CDKL2: variants seen among roughly 807,000 people sequenced by gnomAD.
CDKL2 encodes cyclin dependent kinase like 2.
A neutral mutation model predicts 63.9 loss-of-function variants in CDKL2; 64 were observed. The ratio of observed to expected loss-of-function variants is 1.00; its 90% CI spans 0.82 to 1.23. CDKL2 has a LOEUF of 1.23. Ranked by LOEUF, CDKL2 falls within the 50% of genes most tolerant of loss-of-function variation. The probability of loss-of-function intolerance (pLI) is 0.00; values close to 1 mark genes in which losing one functional copy is unlikely to be tolerated. For missense variants in CDKL2, 656 were observed against 668.0 expected (o/e 0.98, Z 0.20); for synonymous variants, 211 against 229.2 (o/e 0.92, Z 0.72).
chr4:75,622,245 A>G (rs1730184150), intron 2 of CDKL2, among the ~76,000 whole-genome samples: 2 of 152,172 alleles, frequency 1.3e-5, no homozygotes, highest in Non-Finnish European at 2.9e-5. Flanking sequence ...TAGACCAAAC[A>G]CTCCAAGTAA....
chr4:75,599,931 G>A (rs2148880830), intron 7 of CDKL2, among the ~76,000 whole-genome samples: 1 of 152,280 alleles, frequency 6.6e-6, no homozygotes, highest in African/African-American at 2.4e-5. Flanking sequence ...GAGTTTGGCA[G>A]CAATAGGAGA....
At chr4:75,581,985 T>G in intron 12 of CDKL2, 87 bp from the exon 13 acceptor site, 1 of 831,710 alleles carries the variant, frequency 1.2e-6, no homozygotes, top group Non-Finnish European at 2.0e-6. Flanking sequence ...TGTTCAAATA[T>G]TAGATGTTTA....
chr4:75,623,512 TCAAGAA>T (rs1487325039), intron 2 of CDKL2, among the ~76,000 whole-genome samples: 1 of 152,084 alleles, frequency 6.6e-6, no homozygotes, highest in Non-Finnish European at 1.5e-5. Context: ...ATTATTAAGA[TCAAGAA>T]CAAGTATTAG....
At chr4:75,625,701 A>G in intron 2 of CDKL2, 120 bp downstream of exon 2, 1 of 696,684 alleles carries the variant, frequency 1.4e-6, no homozygotes, top group Admixed American at 3.1e-5. Flanking sequence ...AAACACTTTT[A>G]AAATCAGGTT....
At chr4:75,590,823 G>A (rs917647841) in intron 12 of CDKL2, among the ~76,000 whole-genome samples, 1 of 152,214 alleles carries the variant, frequency 6.6e-6, no homozygotes, top group African/African-American at 2.4e-5. Flanking sequence ...AATGAGGATG[G>A]AGAATTAATT....
At chr4:75,598,037 T>C (rs775704693) in intron 8 of CDKL2, 40 bp downstream of exon 8, 10 of 1,277,400 alleles carry the variant, frequency 7.8e-6, no homozygotes, top group African/African-American at 3.1e-5. Flanking sequence ...TTTAAAAAAA[T>C]AAGTATATTA....
At chr4:75,593,494 C>G (rs894911919) in intron 10 of CDKL2, among the ~76,000 whole-genome samples, 11 of 152,062 alleles carry the variant, frequency 7.2e-5, no homozygotes, top group Admixed American at 5.9e-4. Flanking sequence ...TCTTCACCTC[C>G]TCTCTTGATT....
At chr4:75,591,220 C>T (rs917126821) in intron 12 of CDKL2, among the ~76,000 whole-genome samples, 23 of 151,872 alleles carry the variant, frequency 1.5e-4, no homozygotes, top group East Asian at 1.9e-4. Context: ...TGAAATACTA[C>T]GAAATATAAA....
At position 75,578,307 on chromosome 4, in the gene CDKL2, G is replaced by C. The variant is rs939894813; in HGVS notation, c.*895C>G. 1 of 152,134 alleles carries C rather than the reference G, an allele frequency of 6.6e-6. No individual in the cohort carries two copies. Among genetic ancestry groups the C allele is most frequent in the Non-Finnish European group, 1.5e-5 (1 of 68,044 alleles). 9.4% of individuals were successfully genotyped at this position (152,134 alleles called of 1,614,324 possible). On this transcript the variant is annotated 3_prime_UTR_variant, in exon 14 of 14. Transcript: ENST00000307465. ...AAAAGTGGAGTCCATAATAATGAACGTTCTCTCCCCAAACCCTCTTCAGCT... is the reference window on the plus strand; with the variant it reads ...AAAAGTGGAGTCCATAATAATGAACCTTCTCTCCCCAAACCCTCTTCAGCT...
chr4:75,607,026 G>C (rs1729449648), intron 4 of CDKL2, among the ~76,000 whole-genome samples, 157 bp downstream of exon 4: 1 of 152,064 alleles, frequency 6.6e-6, no homozygotes, highest in South Asian at 2.1e-4. Context: ...TGTTTAAAGG[G>C]GAAGCACCAA....
At chr4:75,598,941 T>C (rs1268320028) in intron 7 of CDKL2, among the ~76,000 whole-genome samples, 1 of 152,232 alleles carries the variant, frequency 6.6e-6, no homozygotes, top group Non-Finnish European at 1.5e-5. Flanking sequence ...ATTGTGTTAA[T>C]GATAAAATTC....
chr4:75,581,940 C>T, intron 12 of CDKL2, 42 bp from the exon 13 acceptor site: 2 of 1,351,378 alleles, frequency 1.5e-6, no homozygotes, highest in African/African-American at 1.4e-5. Context: ...TCAGTAATTG[C>T]AAAAGTTCCA....
chr4:75,617,283 AT>A (rs912668351), intron 2 of CDKL2, among the ~76,000 whole-genome samples: 1 of 152,224 alleles, frequency 6.6e-6, no homozygotes, highest in African/African-American at 2.4e-5. Flanking sequence ...CAAGAAAAAA[AT>A]AAAAGTTATA....
chr4:75,622,872 T>C (rs1730226660), intron 2 of CDKL2, among the ~76,000 whole-genome samples: 1 of 152,034 alleles, frequency 6.6e-6, no homozygotes, highest in Non-Finnish European at 1.5e-5. Flanking sequence ...TTTATGAACA[T>C]TGGTAAATTG....
chr4:75,581,570 A>AT (rs915591057), intron 13 of CDKL2, among the ~76,000 whole-genome samples: 6 of 152,262 alleles, frequency 3.9e-5, no homozygotes, highest in African/African-American at 1.4e-4. Flanking sequence ...ACATTACTAT[A>AT]TCCAATAAAA....
At chr4:75,589,974 C>T (rs973502419) in intron 12 of CDKL2, among the ~76,000 whole-genome samples, 1 of 149,076 alleles carries the variant, frequency 6.7e-6, no homozygotes, top group Non-Finnish European at 1.5e-5. Context: ...AGAGCAAGAC[C>T]ATGTGTCCAA....
chr4:75,591,486 A>T (rs956613558), intron 12 of CDKL2, among the ~76,000 whole-genome samples: 2 of 152,080 alleles, frequency 1.3e-5, no homozygotes, highest in African/African-American at 4.8e-5. Context: ...AATCTCAGCT[A>T]CTTGGGAGGC....
intron 5 of CDKL2, 39 bp from the exon 6 acceptor site, chr4:75,603,995 A>G (rs773955606): frequency 3.8e-6 from 6 of 1,568,404 alleles, no homozygotes; most frequent in African/African-American, 1.4e-5. Context: ...TTATTATACA[A>G]CATGATAGAA....
chr4:75,622,715 CAAAAAAAAAAA>C lies in CDKL2; in HGVS notation c.168+3095_168+3105del, dbSNP rs1171964321. Among the ~76,000 whole-genome samples, 35 of 13,962 alleles carry C rather than the reference CAAAAAAAAAAA, an allele frequency of 2.5e-3. 1 individual carries two copies. Among genetic ancestry groups the C allele is most frequent in the Middle Eastern group, 0.12 (1 of 8 alleles). 9.2% of individuals were successfully genotyped at this position (13,962 alleles called of 152,430 possible). A position where few individuals can be genotyped will look rare whatever the true frequency, so the allele number is the denominator to read the frequency against. ...CCTGGGTGACAGAGCAAGACTCCAT[CAAAAAAAAAAA>C]AAAAAAAAAAAAAAAAAACAGACAA... On this transcript the variant is annotated intron_variant, in intron 2 of 13. Coordinates refer to ENST00000307465, the MANE Select transcript of CDKL2 (RefSeq NM_001330724.2).
Sources: allele counts gnomAD v4.1 joint callset (sites outside exome capture counted in the v4.1 genomes callset), GRCh38; gene constraint gnomAD v4.1.1; transcripts MANE v1.5; gene names NCBI Gene and HGNC (gene_info 2026-07-23, HGNC 2026-07-21).